The following RASAL2 variants were observed in gnomAD, a reference collection of about 807,000 sequenced individuals.
The protein encoded by RASAL2 is ras GTPase-activating protein nGAP.
A neutral mutation model predicts 128.9 loss-of-function variants in RASAL2; 58 were observed. The observed-to-expected ratio is 0.45, with a 90% CI of 0.36 to 0.56. The LOEUF (loss-of-function observed/expected upper bound fraction) is 0.56. RASAL2 is among the 20% of genes least tolerant of loss of function. RASAL2 has a pLI of 0.00. For synonymous variants in RASAL2, 561 were observed against 580.8 expected (o/e 0.97, Z 0.49); for missense variants, 1,360 against 1,601.6 (o/e 0.85, Z 2.57).
At chr1:178,383,440 TAGC>T (rs543493057) in intron 3 of RASAL2, among the ~76,000 whole-genome samples, 166 of 152,350 alleles carry the variant, frequency 1.1e-3, no homozygotes, top group African/African-American at 3.9e-3. Flanking sequence ...GCTATAGTGT[TAGC>T]AGCCGTATAA....
chr1:178,167,462 T>C (rs1003483246), intron 1 of RASAL2, among the ~76,000 whole-genome samples: 1 of 152,128 alleles, frequency 6.6e-6, no homozygotes, highest in Admixed American at 6.6e-5. Flanking sequence ...ATACTATTTA[T>C]AAATAAGAGA....
At chr1:178,397,438 CA>C (rs1366074144) in intron 4 of RASAL2, among the ~76,000 whole-genome samples, 1 of 151,910 alleles carries the variant, frequency 6.6e-6, no homozygotes, top group Non-Finnish European at 1.5e-5. Context: ...CTATACAGAC[CA>C]AAAAAGAGAT....
At chr1:178,123,717 A>C (rs1012589461) in intron 1 of RASAL2, 2 of 152,220 alleles carry the variant, frequency 1.3e-5, no homozygotes, top group Non-Finnish European at 2.9e-5. Context: ...TCTGTCACCC[A>C]GGCGGAATGC....
intron 1 of RASAL2, among the ~76,000 whole-genome samples, chr1:178,184,542 A>T (rs1662224582): frequency 6.6e-6 from 1 of 152,082 alleles, no homozygotes. Flanking sequence ...TTTTACATAC[A>T]GGCATCCAAT....
At chr1:178,302,070 T>C (rs1667791508) in intron 3 of RASAL2, among the ~76,000 whole-genome samples, 1 of 152,192 alleles carries the variant, frequency 6.6e-6, no homozygotes, top group Non-Finnish European at 1.5e-5. Flanking sequence ...GGAAAAACAC[T>C]ACTTCTAGAG....
At chr1:178,097,869 T>C (rs1658749269) in intron 1 of RASAL2, among the ~76,000 whole-genome samples, 1 of 152,218 alleles carries the variant, frequency 6.6e-6, no homozygotes, top group Non-Finnish European at 1.5e-5. Context: ...TGTACATATG[T>C]ATATATTGTC....
chr1:178,388,125 A>G (rs1334039258), intron 3 of RASAL2, among the ~76,000 whole-genome samples: 7 of 152,172 alleles, frequency 4.6e-5, no homozygotes, highest in Non-Finnish European at 1.0e-4. Context: ...AGTGTCTTCT[A>G]ATTTGATATG....
At chr1:178,108,305 T>C (rs1659174303) in intron 1 of RASAL2, among the ~76,000 whole-genome samples, 1 of 152,182 alleles carries the variant, frequency 6.6e-6, no homozygotes, top group Non-Finnish European at 1.5e-5. Flanking sequence ...GTAGATGTAT[T>C]GGTATTTTTT....
chr1:178,138,381 A>G (rs1660406183), intron 1 of RASAL2, among the ~76,000 whole-genome samples: 1 of 152,152 alleles, frequency 6.6e-6, no homozygotes, highest in African/African-American at 2.4e-5. Context: ...CCACATATTA[A>G]TATATCTCAA....
chr1:178,104,351 T>G (rs1339360372), intron 1 of RASAL2, among the ~76,000 whole-genome samples: 1 of 152,198 alleles, frequency 6.6e-6, no homozygotes, highest in African/African-American at 2.4e-5. Flanking sequence ...CATGTGCCAG[T>G]ATCACACAGC....
chr1:178,265,072 A>G (rs571717769), intron 1 of RASAL2, among the ~76,000 whole-genome samples: 79 of 152,320 alleles, frequency 5.2e-4, no homozygotes, highest in African/African-American at 1.8e-3. Context: ...AAGACCAAAT[A>G]TGTATTTCTT....
At chr1:178,103,025 T>C (rs922504249) in intron 1 of RASAL2, among the ~76,000 whole-genome samples, 2 of 152,152 alleles carry the variant, frequency 1.3e-5, no homozygotes, top group Non-Finnish European at 2.9e-5. Context: ...CAAATGAAGT[T>C]GGCCATGAGT....
At chr1:178,318,899 T>C (rs971068002) in intron 3 of RASAL2, among the ~76,000 whole-genome samples, 5 of 152,178 alleles carry the variant, frequency 3.3e-5, no homozygotes, top group African/African-American at 1.2e-4. Flanking sequence ...CGATGGTCTT[T>C]ACATTTTGGC....
chr1:178,295,243 CAAAA>C (rs781677519), intron 2 of RASAL2, among the ~76,000 whole-genome samples: 1 of 115,388 alleles, frequency 8.7e-6, no homozygotes, highest in African/African-American at 3.2e-5. Context: ...TTTTTTCTCC[CAAAA>C]AAAAAAAAAC....
chr1:178,470,666 T>C lies in RASAL2; in HGVS notation c.3679-2409T>C, dbSNP rs779319785. 4.4e-6 allele frequency: 6 copies of C among 1,362,856 alleles called. No homozygotes were observed. In the South Asian group the frequency reaches 6.9e-5, roughly 16 times the overall value. 84.4% of individuals were successfully genotyped at this position (1,362,856 alleles called of 1,614,324 possible). On this transcript the variant is annotated intron_variant, in intron 17 of 17. Coordinates refer to ENST00000367649, the MANE Select transcript of RASAL2 (RefSeq NM_170692.4). ...GCAGCTGCCTAGTTACTGTTGCAAG[T>C]GATATCTCCGCTGTGTTAAATTACA...
In RASAL2 at chr1:178,442,868, G is replaced by C. The variant is rs141814440; in HGVS notation, c.1121G>C (p.Ser374Thr). The change falls in exon 8 of 18, where the codon AGT (serine) becomes ACT (threonine). Residue 374 changes from serine to threonine, a missense_variant. Around this residue, in one of 3 missense-constraint regions of RASAL2, gnomAD observed 617 missense variants for 714.2 expected, o/e 0.86. Coordinates refer to ENST00000367649, the MANE Select transcript of RASAL2 (RefSeq NM_170692.4). ...TTCTTCAGCCTTCCACCTCTTCATA[G>C]TATCACAGTTCACATTTACAAGGAT... ...FEFFSLPPLH[S>T]ITVHIYKDVE... The C allele has an allele frequency of 6.2e-7, 1 of 1,613,634 alleles. No homozygotes were observed. Among genetic ancestry groups the C allele is most frequent in the Non-Finnish European group, 8.5e-7 (1 of 1,179,946 alleles).
In RASAL2 at chr1:178,457,712, A is replaced by G. The variant is rs754545720; in HGVS notation, c.2420A>G (p.Gln807Arg). 3.1e-6 allele frequency: 5 copies of G among 1,614,088 alleles called. 1 individual carries two copies. The South Asian group carries it at 4.4e-5, about 14-fold the overall frequency. ...SDLHKLKSPS[Q>R]DNTDSYFRGK... ...TTGCATAAACTAAAATCTCCAAGCCAGGACAACACAGACAGCTACTTCAGA... is the reference window on the plus strand; with the variant it reads ...TTGCATAAACTAAAATCTCCAAGCCGGGACAACACAGACAGCTACTTCAGA... The change falls in exon 14 of 18, where the codon CAG becomes CGG. Residue 807 changes from glutamine (Q) to arginine (R), a missense_variant. Transcript: ENST00000367649.
chr1:178,355,396 A>G (rs1472415941), intron 3 of RASAL2, among the ~76,000 whole-genome samples: 3 of 152,206 alleles, frequency 2.0e-5, no homozygotes, highest in Non-Finnish European at 2.9e-5. Flanking sequence ...GATCTTTTCA[A>G]TAAATGATCC....
At chr1:178,442,046 T>C (rs1472746371) in intron 7 of RASAL2, among the ~76,000 whole-genome samples, 1 of 151,904 alleles carries the variant, frequency 6.6e-6, no homozygotes, top group Non-Finnish European at 1.5e-5. Context: ...CCACACACTT[T>C]TAAACCACCA....
Sources: gnomAD v4.1 joint callset for allele counts (sites outside exome capture counted in the v4.1 genomes callset) on GRCh38, gnomAD v4.1.1 for gene constraint, gnomAD v4.1.1 regional missense constraint, MANE v1.5 for transcripts, NCBI Gene and HGNC (gene_info 2026-07-23, HGNC 2026-07-21) for gene names.